The following ZNF433 variants were observed in gnomAD, a reference collection of about 807,000 sequenced individuals.
ZNF433 encodes zinc finger protein 433.
In ZNF433, 12 loss-of-function variants were observed where a neutral mutation model predicts 10.6. That is an observed-to-expected ratio of 1.13 (90% CI 0.72 to 1.83). The LOEUF (loss-of-function observed/expected upper bound fraction) is 1.83. Among genes scored for constraint, ZNF433 ranks in the 40% most tolerant of loss-of-function variants. The pLI is 0.00. For missense variants in ZNF433, 737 were observed against 798.0 expected (o/e 0.92, Z 0.92); for synonymous variants, 272 against 271.3 (o/e 1.00, Z -0.02).
chr19:12,015,378 C>G lies in ZNF433; in HGVS notation c.1480G>C (p.Glu494Gln). Residue 494 changes from glutamate to glutamine, a missense_variant, in exon 4 of 4, where the codon GAA becomes CAA. Transcript: ENST00000550507. ...GTTTTTCCTCCAGTGTGAGTCCTTT[C>G]ATGTCTATGAAATAAACTGGGCAAA... ...FSLPSLFHRH[E>Q]RTHTGGKTYE... 5 of 1,614,170 alleles carry G rather than the reference C, an allele frequency of 3.1e-6. No individual in the cohort carries two copies. Among genetic ancestry groups the G allele is most frequent in the Non-Finnish European group, 4.2e-6 (5 of 1,180,036 alleles).
At position 12,015,541 on chromosome 19, in the gene ZNF433, C is replaced by G; in HGVS notation, c.1317G>C (p.Arg439Ser). 1 of 1,612,664 alleles carries G rather than the reference C, an allele frequency of 6.2e-7. No individual in the cohort carries two copies. The highest frequency in any genetic ancestry group is 8.5e-7 in the Non-Finnish European group (1 of 1,179,606). The change falls in exon 4 of 4, where the codon AGG becomes AGC. Residue 439 changes from arginine to serine, a missense_variant. Arg to Ser is a moderately radical substitution (Grantham distance 110). Coordinates refer to ENST00000550507, the MANE Select transcript of ZNF433 (RefSeq NM_001308348.2). ...RSASLLQTHG[R>S]THTGEKPYAC... Reference sequence around the variant, plus strand: ...CATAGGGTTTCTCTCCCGTGTGAGTCCTACCATGTGTTTGAAGGAGTGAGG... The same window carrying G: ...CATAGGGTTTCTCTCCCGTGTGAGTGCTACCATGTGTTTGAAGGAGTGAGG...
rs1183091497 is a variant in ZNF433 at position 12,016,487 on chromosome 19, G to T, written c.371C>A (p.Thr124Asn). The T allele has an allele frequency of 1.2e-6, 2 of 1,614,104 alleles. No individual in the cohort carries two copies. The highest frequency in any genetic ancestry group is 3.3e-5 in the Admixed American group (2 of 60,016). The change falls in exon 4 of 4, where the codon ACT (threonine) becomes AAT (asparagine). Residue 124 changes from threonine to asparagine, a missense_variant. By Grantham distance (65) the Thr-to-Asn change is moderately conservative (BLOSUM62 0). Transcript: ENST00000550507. ...SSLNRHIRDDTGHKAYEYQEY... is the reference protein window; with the variant it reads ...SSLNRHIRDDNGHKAYEYQEY... ...TTGATACTCATATGCCTTGTGTCCA[G>T]TGTCATCTCTGATGTGCCTATTAAG...
In ZNF433 at chr19:12,015,335, C is replaced by T. The variant is rs771710472; in HGVS notation, c.1523G>A (p.Cys508Tyr). 117 of 1,613,866 alleles carry T rather than the reference C, an allele frequency of 7.2e-5. No individual in the cohort carries two copies. Among genetic ancestry groups the T allele is most frequent in the Non-Finnish European group, 9.3e-5 (110 of 1,180,030 alleles). ...GCTCGAACAGTTGAAGGATCTGCCA[C>T]ACTGCTTGCATTCATAGGTTTTTCC... ...TGGKTYECKQ[C>Y]GRSFNCSSSF... is the part of the protein sequence containing the mutation. Residue 508 changes from cysteine (C) to tyrosine (Y), a missense_variant, in exon 4 of 4, where the codon TGT becomes TAT. Coordinates refer to ENST00000550507, the MANE Select transcript of ZNF433 (RefSeq NM_001308348.2).
At chr19:12,025,588 G>C (rs1435367396) in intron 1 of ZNF433, 1 of 152,206 alleles carries the variant, frequency 6.6e-6, no homozygotes, top group East Asian at 1.9e-4. Flanking sequence ...TCTTTTATAG[G>C]AGGAGTTAAT....
At chr19:12,020,890 C>T (rs111626036) in intron 1 of ZNF433, among the ~76,000 whole-genome samples, 8,423 of 147,740 alleles carry the variant, frequency 0.057, 351 homozygotes, top group African/African-American at 0.12. Context: ...GGCGACAGAG[C>T]GAGACTCTGT....
intron 3 of ZNF433, 55 bp downstream of exon 3, chr19:12,017,821 T>A: frequency 4.0e-6 from 4 of 991,840 alleles, no homozygotes; most frequent in Non-Finnish European, 6.1e-6. Flanking sequence ...TAACATTTTC[T>A]CCCATTCTAA....
At position 12,016,300 on chromosome 19, in the gene ZNF433, C is replaced by T; in HGVS notation, c.558G>A (p.Arg186=). ...AAGGTCCATCTCCACGGTGCATTATCCTGTGTCTTTGAAGGTTTGAATGGG... is the reference window on the plus strand; with the variant it reads ...AAGGTCCATCTCCACGGTGCATTATTCTGTGTCTTTGAAGGTTTGAATGGG... ...FISHSNLQRH[R]IMHRGDGPYK... is the part of the protein sequence containing the mutation. The change falls in exon 4 of 4, where the codon AGG becomes AGA. Residue 186 remains arginine (R), a synonymous_variant. Coordinates refer to ENST00000550507, the MANE Select transcript of ZNF433 (RefSeq NM_001308348.2). 1 of 1,614,206 alleles carries T rather than the reference C, an allele frequency of 6.2e-7. No individual in the cohort carries two copies. The highest frequency in any genetic ancestry group is 8.5e-7 in the Non-Finnish European group (1 of 1,180,028).
intron 1 of ZNF433, among the ~76,000 whole-genome samples, chr19:12,032,069 G>A (rs1245073622): frequency 6.6e-6 from 1 of 151,692 alleles, no homozygotes; most frequent in African/African-American, 2.4e-5. Flanking sequence ...CTCCCGAGTA[G>A]CTGGGACTAC....
At chr19:12,020,917 TA>T (rs551776670) in intron 1 of ZNF433, among the ~76,000 whole-genome samples, 52 of 124,066 alleles carry the variant, frequency 4.2e-4, no homozygotes, top group Admixed American at 4.8e-4. Flanking sequence ...AACAAAAATA[TA>T]AAAAAAAAAA....
chr19:12,016,695 G>C, intron 3 of ZNF433, 29 bp from the exon 4 acceptor site: 1 of 1,594,406 alleles, frequency 6.3e-7, no homozygotes, highest in Non-Finnish European at 8.5e-7. Flanking sequence ...ACATTATAAT[G>C]GGTTTGATTA....
chr19:12,027,182 T>TA (rs1442443535), intron 1 of ZNF433: 1 of 419,874 alleles, frequency 2.4e-6, no homozygotes, highest in African/African-American at 2.1e-5. Context: ...CCCATTAAAA[T>TA]AGATAAAAAC....
chr19:12,019,952 TA>T (rs1005661816), intron 1 of ZNF433, among the ~76,000 whole-genome samples: 49 of 152,130 alleles, frequency 3.2e-4, no homozygotes, highest in Non-Finnish European at 5.6e-4. Flanking sequence ...CAGTACCAAG[TA>T]AAAAAACTAA....
rs1310034538 is a variant in ZNF433, at chr19:12,015,737, G to A, written c.1121C>T (p.Ser374Phe). 4.3e-6 allele frequency: 7 copies of A among 1,613,282 alleles called. No individual in the cohort carries two copies. The Admixed American group carries it at 1.2e-4, about 27-fold the overall frequency. ...TTCATGTGTTTGAAGTGAACTGGGA[G>A]AATAAAAGGCTTTCCCACATATCTT... is the stretch of plus-strand genomic sequence containing the variant. ...KCKICGKAFY[S>F]PSSLQTHEKT... The change falls in exon 4 of 4, where the codon TCT becomes TTT. Residue 374 changes from serine to phenylalanine, a missense_variant. By Grantham distance (155) the Ser-to-Phe change is radical. Transcript: ENST00000550507.
In ZNF433 at chr19:12,018,216, T is replaced by C. The variant is rs749710037; in HGVS notation, c.80A>G (p.Asn27Ser). 3 of 1,612,852 alleles carry C rather than the reference T, an allele frequency of 1.9e-6. No individual in the cohort carries two copies. The highest frequency in any genetic ancestry group is 2.2e-5 in the South Asian group (2 of 90,922). Residue 27 changes from asparagine (N) to serine (S), a missense_variant, in exon 2 of 4, where the codon AAT becomes AGT. Physicochemically the swap from Asn to Ser is conservative, Grantham distance 46 (BLOSUM62 1). Transcript: ENST00000550507. Reference protein sequence around the residue: ...EWALLDPSQKNLCRDVMQETF... With the variant: ...EWALLDPSQKSLCRDVMQETF... The stretch of plus-strand genomic sequence containing the variant: ...TTCTTGCATCACATCTCTACAGAGA[T>C]TTTTCTGGGAAGGATCCAGCAAAGC...
At chr19:12,025,461 T>C (rs1006360742) in intron 1 of ZNF433, 1 of 152,218 alleles carries the variant, frequency 6.6e-6, no homozygotes, top group African/African-American at 2.4e-5. Context: ...TGCCAGACAC[T>C]TTCACAATTT....
chr19:12,023,654 T>C (rs1428446935), intron 1 of ZNF433: 2 of 152,140 alleles, frequency 1.3e-5, no homozygotes, highest in Non-Finnish European at 2.9e-5. Flanking sequence ...GCATGGCCAA[T>C]TCAACCCACT....
chr19:12,019,578 G>A (rs545474653), intron 1 of ZNF433, among the ~76,000 whole-genome samples: 4 of 152,232 alleles, frequency 2.6e-5, no homozygotes, highest in African/African-American at 9.6e-5. Context: ...CCACTTTTGG[G>A]TCTAGTTATA....
chr19:12,034,906 T>G (rs925957869), intron 1 of ZNF433: 1 of 454,564 alleles, frequency 2.2e-6, no homozygotes, highest in Non-Finnish European at 4.4e-6. Flanking sequence ...TTGAGCCGCC[T>G]CGGGACCACT....
Position 12,015,349 on chromosome 19 carries a change from A to T in ZNF433, c.1509T>A (p.Tyr503Ter). The T allele has an allele frequency of 2.5e-6, 4 of 1,614,060 alleles. No individual in the cohort carries two copies. Among genetic ancestry groups the T allele is most frequent in the Non-Finnish European group, 3.4e-6 (4 of 1,180,010 alleles). ...AGGATCTGCCACACTGCTTGCATTC[A>T]TAGGTTTTTCCTCCAGTGTGAGTCC... The part of the protein sequence containing the change: ...HERTHTGGKT[Y>*]ECKQCGRSFN... Residue 503 changes from tyrosine to a stop codon, truncating the protein, a stop_gained, in exon 4 of 4, where the codon TAT becomes TAA. Coordinates refer to ENST00000550507, the MANE Select transcript of ZNF433 (RefSeq NM_001308348.2). LOFTEE classifies it low-confidence loss of function (END_TRUNC).
Sources: allele counts gnomAD v4.1 joint callset (sites outside exome capture counted in the v4.1 genomes callset), GRCh38; gene constraint gnomAD v4.1.1; transcripts MANE v1.5; gene names NCBI Gene and HGNC (gene_info 2026-07-23, HGNC 2026-07-21).